LOC128462377: variants seen among roughly 807,000 people sequenced by gnomAD.
the LOC128462377 span, among the ~76,000 whole-genome samples, chr16:89,413,806 T>C: frequency 1.3e-5 from 2 of 151,914 alleles, no homozygotes. Flanking sequence ...GACTCTGCAC[T>C]CCCACAACGC....
At chr16:89,350,605 A>G in the LOC128462377 span, among the ~76,000 whole-genome samples, 1 of 152,208 alleles carries the variant, frequency 6.6e-6, no homozygotes, top group Admixed American at 6.5e-5. Flanking sequence ...AGCTACAGTG[A>G]CCGAAAGCAC....
the LOC128462377 span, among the ~76,000 whole-genome samples, chr16:89,416,050 C>A: frequency 9.9e-5 from 15 of 151,968 alleles, no homozygotes; most frequent in Non-Finnish European, 1.6e-4. Context: ...CACAGGCAAA[C>A]AAAAGACAAA....
chr16:89,372,584 T>C, the LOC128462377 span, among the ~76,000 whole-genome samples: 1 of 152,102 alleles, frequency 6.6e-6, no homozygotes, highest in South Asian at 2.1e-4. Flanking sequence ...AATACTAACA[T>C]TAAGATATTA....
chr16:89,323,963 T>C, the LOC128462377 span: 1 of 220,638 alleles, frequency 4.5e-6, no homozygotes, highest in Non-Finnish European at 9.1e-6. Flanking sequence ...TGTCGGCCCC[T>C]CCCCTGCACC....
chr16:89,364,935 C>G, the LOC128462377 span, among the ~76,000 whole-genome samples: 1 of 152,212 alleles, frequency 6.6e-6, no homozygotes, highest in East Asian at 1.9e-4. Context: ...TCATTTCTTA[C>G]AAAGCCAAAT....
the LOC128462377 span, among the ~76,000 whole-genome samples, chr16:89,338,278 ATGTGGG>A: frequency 6.6e-6 from 1 of 152,026 alleles, no homozygotes; most frequent in Non-Finnish European, 1.5e-5. Flanking sequence ...GTCCTCCAGG[ATGTGGG>A]TCTCTGTTAG....
the LOC128462377 span, among the ~76,000 whole-genome samples, chr16:89,352,231 A>G: frequency 6.6e-6 from 1 of 151,942 alleles, no homozygotes; most frequent in African/African-American, 2.4e-5. Context: ...TTCCCTAGGG[A>G]TGGAATGCTG....
At chr16:89,323,564 A>AGGGCAGGGGGGCAGAGCCC in the LOC128462377 span, among the ~76,000 whole-genome samples, 2 of 12,580 alleles carry the variant, frequency 1.6e-4, no homozygotes, top group South Asian at 2.2e-3. Flanking sequence ...GGTCTGAGCT[A>AGGGCAGGGGGGCAGAGCCC]AGGGCACGGG....
At chr16:89,332,523 T>C in the LOC128462377 span, among the ~76,000 whole-genome samples, 1 of 152,232 alleles carries the variant, frequency 6.6e-6, no homozygotes. Context: ...GTCTGCTCAC[T>C]GATTCTCACC....
At chr16:89,397,455 A>T in the LOC128462377 span, among the ~76,000 whole-genome samples, 46 of 152,336 alleles carry the variant, frequency 3.0e-4, 1 homozygote, top group Middle Eastern at 3.4e-3. Flanking sequence ...CCAGCCACAC[A>T]GGGGGACCCA....
At chr16:89,352,326 A>C in the LOC128462377 span, among the ~76,000 whole-genome samples, 16 of 151,936 alleles carry the variant, frequency 1.1e-4, no homozygotes, top group African/African-American at 3.4e-4. Flanking sequence ...CCCTGGGGGA[A>C]GGCAAGTCAA....
chr16:89,325,469 TCACACA>T, the LOC128462377 span, among the ~76,000 whole-genome samples: 22 of 147,742 alleles, frequency 1.5e-4, no homozygotes, highest in African/African-American at 4.6e-4. Flanking sequence ...TCTCTCTCTC[TCACACA>T]CACACACACA....
At chr16:89,327,165 C>T in the LOC128462377 span, among the ~76,000 whole-genome samples, 5 of 152,220 alleles carry the variant, frequency 3.3e-5, no homozygotes, top group East Asian at 9.6e-4. Context: ...GTAAGGCTGG[C>T]TCAACCATCA....
chr16:89,339,039 G>A, the LOC128462377 span, among the ~76,000 whole-genome samples: 2 of 152,098 alleles, frequency 1.3e-5, no homozygotes, highest in Admixed American at 6.6e-5. Flanking sequence ...CCATCTGCTC[G>A]TGACCTGAGT....
chr16:89,332,990 C>T, the LOC128462377 span, among the ~76,000 whole-genome samples: 76 of 152,354 alleles, frequency 5.0e-4, no homozygotes, highest in African/African-American at 1.8e-3. Flanking sequence ...GCCATTTTCC[C>T]ATCCTGTGCA....
the LOC128462377 span, among the ~76,000 whole-genome samples, chr16:89,356,072 C>T: frequency 1.3e-5 from 2 of 152,208 alleles, no homozygotes; most frequent in African/African-American, 4.8e-5. Flanking sequence ...TGGAGTGAGA[C>T]TTGTCTCAAA....
chr16:89,416,577 C>T, the LOC128462377 span, among the ~76,000 whole-genome samples: 2 of 151,976 alleles, frequency 1.3e-5, no homozygotes, highest in African/African-American at 2.4e-5. Flanking sequence ...GGATTACAGG[C>T]GTGAGCCACT....
chr16:89,331,320 A>T, the LOC128462377 span, among the ~76,000 whole-genome samples: 1 of 152,212 alleles, frequency 6.6e-6, no homozygotes, highest in Non-Finnish European at 1.5e-5. Flanking sequence ...GCTAATAGAA[A>T]ATTTAAAATT....
At chr16:89,334,982 A>G in the LOC128462377 span, among the ~76,000 whole-genome samples, 101 of 152,150 alleles carry the variant, frequency 6.6e-4, 6 homozygotes, top group Admixed American at 6.3e-3. Context: ...CCAGGAGGAG[A>G]TCCCACAGGT....
Sources: gnomAD v4.1 joint callset for allele counts (sites outside exome capture counted in the v4.1 genomes callset) on GRCh38, gnomAD v4.1.1 for gene constraint, MANE v1.5 for transcripts.